The following BAZ2B variants were observed in gnomAD, a reference collection of about 807,000 sequenced individuals.
The protein encoded by BAZ2B is bromodomain adjacent to zinc finger domain protein 2B.
Under a neutral mutation model 246.0 loss-of-function variants are expected in BAZ2B, and 91 were observed. The observed-to-expected ratio is 0.37, with a 90% CI of 0.31 to 0.44. The LOEUF (loss-of-function observed/expected upper bound fraction) is 0.44. BAZ2B is among the 20% of genes least tolerant of loss of function. The pLI is 1.00. For synonymous variants in BAZ2B, 855 were observed against 860.0 expected (o/e 0.99, Z 0.10); for missense variants, 2,332 against 2,533.7 (o/e 0.92, Z 1.71).
At chr2:159,579,686 G>A (rs569995654) in intron 1 of BAZ2B, among the ~76,000 whole-genome samples, 1 of 152,108 alleles carries the variant, frequency 6.6e-6, no homozygotes, top group Non-Finnish European at 1.5e-5. Flanking sequence ...TAAAATACTG[G>A]CAAACTGAAT....
At chr2:159,494,500 C>T (rs953137757) in intron 2 of BAZ2B, among the ~76,000 whole-genome samples, 6 of 152,102 alleles carry the variant, frequency 3.9e-5, no homozygotes, top group African/African-American at 1.4e-4. Context: ...GCACATACTA[C>T]TACTACTACA....
At chr2:159,495,484 CAAAAAAAAAAAAAAAAA>C (rs56365046) in intron 2 of BAZ2B, among the ~76,000 whole-genome samples, 2 of 73,216 alleles carry the variant, frequency 2.7e-5, no homozygotes, top group South Asian at 6.7e-4. Flanking sequence ...GACTCCGTCT[CAAAAAAAAAAAAAAAAA>C]AAAAAAAAAA....
At chr2:159,370,344 A>T (rs1377073526) in intron 27 of BAZ2B, among the ~76,000 whole-genome samples, 3 of 151,448 alleles carry the variant, frequency 2.0e-5, no homozygotes, top group African/African-American at 7.3e-5. Flanking sequence ...ATTAAAAAAA[A>T]AACTGCTCTT....
Position 159,363,894 on chromosome 2 carries a change from T to C in BAZ2B, c.4213+9151A>G, listed in dbSNP as rs573244085. ...AGGTCCCTGGGGAGGACGAGGGCTA[T>C]TGAGCTTCATCCACACAAACTGATA... On this transcript the variant is annotated intron_variant, in intron 27 of 36. Coordinates refer to ENST00000392783, the MANE Select transcript of BAZ2B (RefSeq NM_013450.4). 5.0e-4 allele frequency among the ~76,000 whole-genome samples: 76 copies of C among 152,258 alleles called. 1 individual carries two copies. Among genetic ancestry groups the C allele is most frequent in the Non-Finnish European group, 5.4e-4 (37 of 68,022 alleles).
chr2:159,590,228 AAAAC>A, intron 1 of BAZ2B, among the ~76,000 whole-genome samples: 2 of 115,196 alleles, frequency 1.7e-5, no homozygotes, highest in African/African-American at 6.2e-5. Context: ...AAAAAAAAAA[AAAAC>A]AACCCAGCAA....
intron 13 of BAZ2B, among the ~76,000 whole-genome samples, chr2:159,425,347 A>G (rs1383389493): frequency 6.6e-6 from 1 of 151,936 alleles, no homozygotes; most frequent in African/African-American, 2.4e-5. Context: ...TGCCCAGCTA[A>G]TTTTTGTATT....
the BAZ2B span, among the ~76,000 whole-genome samples, chr2:159,629,872 T>C: frequency 6.6e-6 from 1 of 152,108 alleles, no homozygotes; most frequent in African/African-American, 2.4e-5. Context: ...GAGGGACATA[T>C]ACAGTATGAA....
intron 3 of BAZ2B, among the ~76,000 whole-genome samples, chr2:159,474,914 C>A (rs2078315743): frequency 6.6e-6 from 1 of 152,172 alleles, no homozygotes. Context: ...AGGGTTTCTG[C>A]AGAGAGATCT....
chr2:159,708,371 T>C, the BAZ2B span, among the ~76,000 whole-genome samples: 2 of 152,158 alleles, frequency 1.3e-5, no homozygotes, highest in South Asian at 4.1e-4. Flanking sequence ...AGGTTTGAAT[T>C]CCAAGTGTTC....
intron 2 of BAZ2B, among the ~76,000 whole-genome samples, chr2:159,482,546 T>C (rs1052292235): frequency 2.6e-5 from 4 of 152,204 alleles, no homozygotes; most frequent in Non-Finnish European, 5.9e-5. Flanking sequence ...AAATTATTCA[T>C]GTTAAAGTGA....
intron 1 of BAZ2B, among the ~76,000 whole-genome samples, chr2:159,564,145 G>A (rs1483471167): frequency 6.6e-6 from 1 of 152,190 alleles, no homozygotes; most frequent in Non-Finnish European, 1.5e-5. Flanking sequence ...GTATCTCTGA[G>A]AAGATAATTA....
chr2:159,589,925 G>A (rs910999755), intron 1 of BAZ2B, among the ~76,000 whole-genome samples: 1 of 151,966 alleles, frequency 6.6e-6, no homozygotes, highest in Non-Finnish European at 1.5e-5. Flanking sequence ...GATGGTTCAC[G>A]CCTGTGATCC....
intron 3 of BAZ2B, among the ~76,000 whole-genome samples, chr2:159,476,191 T>C (rs958345852): frequency 1.3e-5 from 2 of 152,132 alleles, no homozygotes; most frequent in Non-Finnish European, 2.9e-5. Flanking sequence ...GAGTTTTATC[T>C]GTAAGCCCCT....
intron 16 of BAZ2B, among the ~76,000 whole-genome samples, chr2:159,401,848 A>T (rs1442344953): frequency 6.6e-6 from 1 of 152,188 alleles, no homozygotes; most frequent in Non-Finnish European, 1.5e-5. Context: ...AATACAAGTT[A>T]AAAAAGAAAA....
intron 31 of BAZ2B, among the ~76,000 whole-genome samples, chr2:159,340,765 C>T (rs956382735): frequency 6.6e-6 from 1 of 151,998 alleles, no homozygotes; most frequent in African/African-American, 2.4e-5. Context: ...TGCTCAAGGA[C>T]TCCTATATCT....
the BAZ2B span, among the ~76,000 whole-genome samples, chr2:159,678,556 T>C: frequency 6.6e-6 from 1 of 152,156 alleles, no homozygotes; most frequent in South Asian, 2.1e-4. Flanking sequence ...TCCCAGCTAC[T>C]AGAGAGGCTG....
intron 1 of BAZ2B, among the ~76,000 whole-genome samples, chr2:159,572,077 G>A (rs1348018457): frequency 4.6e-5 from 7 of 152,092 alleles, no homozygotes; most frequent in East Asian, 1.9e-4. Flanking sequence ...ACTAAATTAC[G>A]GGATTTGTAG....
rs767426683 is a variant in BAZ2B at position 159,340,887 on chromosome 2, C to A, written c.5455-3115G>T. ...TTATTACACACATAATTTTAAAAAG[C>A]CTGATGATAAACTGTATCCTTATGG... On this transcript the variant is annotated intron_variant, in intron 31 of 36. Transcript: ENST00000392783. 9.2e-5 allele frequency among the ~76,000 whole-genome samples: 14 copies of A among 151,860 alleles called. No individual in the cohort carries two copies. In the East Asian group the frequency reaches 1.7e-3, roughly 19 times the overall value.
intron 1 of BAZ2B, among the ~76,000 whole-genome samples, chr2:159,609,806 TAAA>T (rs5835754): frequency 3.5e-5 from 5 of 143,310 alleles, no homozygotes; most frequent in African/African-American, 2.6e-5. Context: ...GGTAGATCAA[TAAA>T]AAAAAAAAAA....
Sources: gnomAD v4.1 joint callset for allele counts (sites outside exome capture counted in the v4.1 genomes callset) on GRCh38, gnomAD v4.1.1 for gene constraint, MANE v1.5 for transcripts, NCBI Gene and HGNC (gene_info 2026-07-23, HGNC 2026-07-21) for gene names.